The following CASK variants were observed in gnomAD, a reference collection of about 807,000 sequenced individuals.
CASK encodes calcium/calmodulin dependent serine protein kinase.
A neutral mutation model predicts 82.9 loss-of-function variants in CASK; 4 were observed. The ratio of observed to expected loss-of-function variants is 0.05; its 90% CI spans 0.02 to 0.11. The LOEUF is 0.11. Ranked by LOEUF, CASK falls within the 10% of genes least tolerant of loss-of-function variation. CASK has a pLI of 1.00. For missense variants in CASK, 358 were observed against 720.9 expected, an observed-to-expected ratio of 0.50 and a Z score of 5.76; for synonymous variants, 259 against 253.5, an observed-to-expected ratio of 1.02 and a Z score of -0.20.
intron 1 of CASK, among the ~76,000 whole-genome samples, chrX:41,878,452 A>G (rs2071875753): frequency 1.8e-5 from 2 of 111,119 alleles, no homozygotes; most frequent in African/African-American, 6.5e-5. Flanking sequence ...TGGTTTTTGC[A>G]GTCTTTCCTG....
At chrX:41,655,454 A>G (rs5963265) in intron 8 of CASK, among the ~76,000 whole-genome samples, 2,807 of 111,911 alleles carry the variant, frequency 0.025, 93 homozygotes, top group African/African-American at 0.086. Context: ...ACTGAAGGAC[A>G]TAAAATGATC....
chrX:41,517,756 TTGTAA>T lies in CASK; in HGVS notation c.*2659_*2663del. 1.4e-6 allele frequency: 1 copy of T among 732,342 alleles called. No homozygotes were observed. The highest frequency in any genetic ancestry group is 2.3e-5 in the South Asian group (1 of 43,778). 60.4% of individuals were successfully genotyped at this position (732,342 alleles called of 1,213,427 possible). On this transcript the variant is annotated 3_prime_UTR_variant, in exon 27 of 27. Transcript: ENST00000378163. ...TTTTCTCTGATTGCTTAGTGGACAATTGTAATGTAGCAGTAGCAGCAGCAGCAGCA... is the reference window on the plus strand; with the variant it reads ...TTTTCTCTGATTGCTTAGTGGACAATTGTAGCAGTAGCAGCAGCAGCAGCA...
At chrX:41,883,145 T>C (rs746905667) in intron 1 of CASK, among the ~76,000 whole-genome samples, 1 of 111,981 alleles carries the variant, frequency 8.9e-6, no homozygotes, top group Non-Finnish European at 1.9e-5. Context: ...TTTATGGAAA[T>C]GTAGGACATT....
intron 13 of CASK, 61 bp downstream of exon 13, chrX:41,589,454 G>A (rs1290998342): frequency 1.3e-6 from 1 of 782,450 alleles, no homozygotes; most frequent in Non-Finnish European, 2.0e-6. Flanking sequence ...CAACAGAAAT[G>A]TCTTCAATAA....
chrX:41,595,566 G>A (rs1295073510), intron 12 of CASK, among the ~76,000 whole-genome samples: 4 of 111,839 alleles, frequency 3.6e-5, no homozygotes, highest in African/African-American at 9.8e-5. Context: ...CTGCACTCCA[G>A]CCTGGGTGAC....
At chrX:41,890,217 C>T (rs994482603) in intron 1 of CASK, among the ~76,000 whole-genome samples, 38 of 63,298 alleles carry the variant, frequency 6.0e-4, no homozygotes, top group South Asian at 1.2e-3. Context: ...AATGTGCATG[C>T]GTGTGTGTGT....
At chrX:41,798,102 G>T (rs903306839) in intron 2 of CASK, among the ~76,000 whole-genome samples, 2 of 112,089 alleles carry the variant, frequency 1.8e-5, no homozygotes, top group African/African-American at 6.5e-5. Context: ...ATTTAAGATT[G>T]TAAGTTTTAA....
chrX:41,722,057 A>G (rs1039523683), intron 5 of CASK, among the ~76,000 whole-genome samples: 16 of 112,457 alleles, frequency 1.4e-4, no homozygotes, highest in Non-Finnish European at 2.6e-4. Context: ...AGAAACTCCA[A>G]TAAGTATTTG....
intron 12 of CASK, among the ~76,000 whole-genome samples, chrX:41,601,043 G>C (rs191731882): frequency 1.8e-4 from 20 of 111,742 alleles, no homozygotes; most frequent in African/African-American, 5.8e-4. Flanking sequence ...GTGGTACCTA[G>C]AGTAGTCAAA....
chrX:41,530,859 A>AC, intron 25 of CASK, 148 bp downstream of exon 25: 1 of 532,297 alleles, frequency 1.9e-6, no homozygotes, highest in Non-Finnish European at 3.3e-6. Flanking sequence ...TAGACTGTGA[A>AC]CCCCCAACGC....
intron 1 of CASK, among the ~76,000 whole-genome samples, chrX:41,900,380 T>A (rs1004919127): frequency 9.0e-6 from 1 of 111,284 alleles, no homozygotes; most frequent in African/African-American, 3.3e-5. Flanking sequence ...AAATCTCATA[T>A]GCATTTATTG....
At chrX:41,696,904 A>G in intron 5 of CASK, 1 of 429,000 alleles carries the variant, frequency 2.3e-6, no homozygotes, top group Non-Finnish European at 3.9e-6. Flanking sequence ...TATTTGTGAT[A>G]TTTCATTTGC....
intron 5 of CASK, among the ~76,000 whole-genome samples, chrX:41,737,654 G>A (rs1334141796): frequency 8.9e-6 from 1 of 112,348 alleles, no homozygotes; most frequent in African/African-American, 3.2e-5. Context: ...ATTATTGAAA[G>A]TATTACAGTA....
chrX:41,899,771 T>C (rs2072334968), intron 1 of CASK, among the ~76,000 whole-genome samples: 1 of 112,112 alleles, frequency 8.9e-6, no homozygotes, highest in Admixed American at 9.5e-5. Flanking sequence ...TCTTTAACTT[T>C]TATAATAGAA....
chrX:41,822,557 C>CAAAAAAAAAAAAAAAAAAAA (rs61374081), intron 2 of CASK, among the ~76,000 whole-genome samples: 4 of 50,678 alleles, frequency 7.9e-5, no homozygotes, highest in African/African-American at 3.6e-4. Context: ...GACTCCGTCT[C>CAAAAAAAAAAAAAAAAAAAA]AAAAAAAAAA....
chrX:41,686,243 C>T (rs1201936108), intron 5 of CASK, among the ~76,000 whole-genome samples: 2 of 110,756 alleles, frequency 1.8e-5, no homozygotes, highest in Non-Finnish European at 3.8e-5. Context: ...GTGCGTGCCA[C>T]CATACCCAGC....
chrX:41,801,050 C>T (rs954288574), intron 2 of CASK, among the ~76,000 whole-genome samples: 3 of 111,371 alleles, frequency 2.7e-5, no homozygotes, highest in Admixed American at 9.5e-5. Context: ...TCAGTATCCA[C>T]AGTTGCTATA....
At chrX:41,599,880 T>C (rs765380377) in intron 12 of CASK, among the ~76,000 whole-genome samples, 1 of 112,442 alleles carries the variant, frequency 8.9e-6, no homozygotes, top group East Asian at 2.8e-4. Context: ...TGATATAATA[T>C]AGGCAGATTT....
At chrX:41,905,345 A>C (rs1276214799) in intron 1 of CASK, among the ~76,000 whole-genome samples, 1 of 112,024 alleles carries the variant, frequency 8.9e-6, no homozygotes, top group Admixed American at 9.4e-5. Flanking sequence ...AACATTCTAC[A>C]TTCCCACCAA....
Sources: gnomAD v4.1 joint callset for allele counts (sites outside exome capture counted in the v4.1 genomes callset) on GRCh38, gnomAD v4.1.1 for gene constraint, MANE v1.5 for transcripts, NCBI Gene and HGNC (gene_info 2026-07-23, HGNC 2026-07-21) for gene names.